The following NELL1 variants were observed in gnomAD, a reference collection of about 807,000 sequenced individuals.
NELL1 encodes the protein neural EGFL like 1, also known as protein kinase C-binding protein NELL1.
A neutral mutation model predicts 107.4 loss-of-function variants in NELL1; 76 were observed. The observed-to-expected ratio is 0.71, with a 90% CI of 0.59 to 0.86. The LOEUF (loss-of-function observed/expected upper bound fraction) is 0.86. Ranked by LOEUF, NELL1 falls within the 40% of genes least tolerant of loss-of-function variation. NELL1 has a pLI of 0.00. For synonymous variants in NELL1, 353 were observed against 341.2 expected (o/e 1.03, Z -0.38); for missense variants, 1,024 against 1,005.5 (o/e 1.02, Z -0.25).
chr11:21,175,834 A>G (rs1856700586), intron 13 of NELL1, among the ~76,000 whole-genome samples: 1 of 151,896 alleles, frequency 6.6e-6, no homozygotes, highest in Non-Finnish European at 1.5e-5. Flanking sequence ...TGTCATAGTC[A>G]ATGAAAAAGT....
chr11:20,777,990 C>T (rs1856781739), intron 2 of NELL1, among the ~76,000 whole-genome samples: 1 of 152,186 alleles, frequency 6.6e-6, no homozygotes, highest in African/African-American at 2.4e-5. Context: ...TAAGTAGATG[C>T]TTTCTCTGCT....
At chr11:20,829,306 A>G (rs1857954308) in intron 3 of NELL1, among the ~76,000 whole-genome samples, 1 of 146,296 alleles carries the variant, frequency 6.8e-6, no homozygotes, top group Non-Finnish European at 1.5e-5. Context: ...GGCTCACTGC[A>G]ACCTCCACCT....
At chr11:20,836,193 T>G (rs926911671) in intron 3 of NELL1, among the ~76,000 whole-genome samples, 1 of 151,366 alleles carries the variant, frequency 6.6e-6, no homozygotes, top group African/African-American at 2.4e-5. Context: ...ATTACAATGC[T>G]CAATATCATT....
intron 5 of NELL1, among the ~76,000 whole-genome samples, chr11:20,917,265 C>T (rs1281684530): frequency 1.3e-5 from 2 of 151,948 alleles, no homozygotes; most frequent in Admixed American, 1.3e-4. Flanking sequence ...ACATATAATT[C>T]TGTGGAAGAG....
At chr11:21,006,270 G>A (rs1852325891) in intron 12 of NELL1, among the ~76,000 whole-genome samples, 1 of 151,998 alleles carries the variant, frequency 6.6e-6, no homozygotes. Context: ...TGGGACTGGT[G>A]GCTCTATAAG....
At chr11:20,805,027 C>A (rs993778912) in intron 3 of NELL1, among the ~76,000 whole-genome samples, 2 of 152,016 alleles carry the variant, frequency 1.3e-5, no homozygotes, top group Non-Finnish European at 2.9e-5. Flanking sequence ...ATATAATAAA[C>A]TTCTTTGTCT....
At chr11:21,214,740 T>A (rs543618316) in intron 13 of NELL1, among the ~76,000 whole-genome samples, 1 of 123,708 alleles carries the variant, frequency 8.1e-6, no homozygotes, top group South Asian at 2.4e-4. Context: ...TGTACATTCT[T>A]TAAATGAGAA....
intron 15 of NELL1, among the ~76,000 whole-genome samples, chr11:21,527,218 G>T (rs1171720609): frequency 6.6e-6 from 1 of 152,084 alleles, no homozygotes; most frequent in Non-Finnish European, 1.5e-5. Flanking sequence ...GTTCCCAAAA[G>T]TTCCTAATCT....
intron 15 of NELL1, among the ~76,000 whole-genome samples, chr11:21,409,475 A>C (rs943576046): frequency 2.6e-5 from 4 of 152,034 alleles, no homozygotes; most frequent in Non-Finnish European, 5.9e-5. Flanking sequence ...AGATATACCT[A>C]ATGCTAAATG....
intron 2 of NELL1, among the ~76,000 whole-genome samples, chr11:20,767,244 G>T (rs1465113955): frequency 6.6e-6 from 1 of 152,148 alleles, no homozygotes; most frequent in East Asian, 1.9e-4. Flanking sequence ...AAGATTTATT[G>T]TGAAGAGCGA....
intron 2 of NELL1, among the ~76,000 whole-genome samples, chr11:20,748,940 C>CCATT (rs1856070713): frequency 6.6e-6 from 1 of 151,000 alleles, no homozygotes. Flanking sequence ...ATCCATCCAT[C>CCATT]CATCCATCCA....
At chr11:21,080,379 G>A (rs559944548) in intron 12 of NELL1, among the ~76,000 whole-genome samples, 11 of 151,894 alleles carry the variant, frequency 7.2e-5, no homozygotes, top group East Asian at 1.9e-4. Flanking sequence ...ATGAATATTC[G>A]GAAAATATGT....
intron 15 of NELL1, among the ~76,000 whole-genome samples, chr11:21,441,085 T>C (rs143957384): frequency 1.3e-5 from 2 of 152,268 alleles, no homozygotes; most frequent in African/African-American, 4.8e-5. Context: ...ATTAAACCTC[T>C]TTAATCTTAC....
At chr11:21,444,182 A>C (rs1853361027) in intron 15 of NELL1, among the ~76,000 whole-genome samples, 1 of 152,200 alleles carries the variant, frequency 6.6e-6, no homozygotes, top group African/African-American at 2.4e-5. Context: ...TGTATATTTT[A>C]GACAATAGAC....
chr11:21,175,364 G>T (rs1304431817), intron 13 of NELL1, among the ~76,000 whole-genome samples: 1 of 151,648 alleles, frequency 6.6e-6, no homozygotes, highest in Non-Finnish European at 1.5e-5. Flanking sequence ...CAATGTTAGA[G>T]CTTGATTTTA....
intron 15 of NELL1, among the ~76,000 whole-genome samples, chr11:21,468,520 A>T (rs564540228): frequency 2.4e-4 from 37 of 152,130 alleles, no homozygotes; most frequent in African/African-American, 8.7e-4. Context: ...CTCTATTGTT[A>T]AAAAAAGGTA....
chr11:21,230,580 A>G (rs527762104), intron 14 of NELL1, among the ~76,000 whole-genome samples: 1 of 152,346 alleles, frequency 6.6e-6, no homozygotes, highest in African/African-American at 2.4e-5. Flanking sequence ...TAAGATTGAG[A>G]CACAGAGAGG....
At chr11:20,682,533 A>G (rs1854214508) in intron 2 of NELL1, among the ~76,000 whole-genome samples, 1 of 152,026 alleles carries the variant, frequency 6.6e-6, no homozygotes, top group Non-Finnish European at 1.5e-5. Context: ...TAGATTCATC[A>G]AATTATTCTG....
At chr11:21,569,427 C>G (rs1307866419) in intron 17 of NELL1, among the ~76,000 whole-genome samples, 1 of 151,178 alleles carries the variant, frequency 6.6e-6, no homozygotes, top group Non-Finnish European at 1.5e-5. Flanking sequence ...ATGCATGACA[C>G]AAGATAAGTA....
Sources: allele counts gnomAD v4.1 joint callset (sites outside exome capture counted in the v4.1 genomes callset), GRCh38; gene constraint gnomAD v4.1.1; transcripts MANE v1.5; gene names NCBI Gene and HGNC (gene_info 2026-07-23, HGNC 2026-07-21).